Variants in FGF12 observed in about 807,000 individuals in gnomAD.
FGF12 encodes fibroblast growth factor 12B.
Under a neutral mutation model 23.6 loss-of-function variants are expected in FGF12, and 14 were observed. That is an observed-to-expected ratio of 0.59 (90% CI 0.39 to 0.93). The LOEUF is 0.93. FGF12 is among the 40% of genes least tolerant of loss of function. FGF12 has a pLI of 0.00. For synonymous variants in FGF12, 62 were observed against 77.3 expected (o/e 0.80, Z 1.04); for missense variants, 175 against 217.8 (o/e 0.80, Z 1.24).
rs1713383970 is a variant in FGF12 at position 192,141,538 on chromosome 3, C to T, written c.*2471G>A. 1 of 151,864 alleles carries T rather than the reference C, an allele frequency of 6.6e-6. No homozygotes were observed. The highest frequency in any genetic ancestry group is 1.5e-5 in the Non-Finnish European group (1 of 67,836). The allele number at this position is 151,864 out of a possible 1,614,324, so 9.4% of individuals were successfully genotyped here. A position where few individuals can be genotyped will look rare whatever the true frequency, so the allele number is the denominator to read the frequency against. On this transcript the variant is annotated 3_prime_UTR_variant, in exon 6 of 6. Coordinates refer to ENST00000445105, the MANE Select transcript of FGF12 (RefSeq NM_004113.6). The stretch of plus-strand genomic sequence containing the variant: ...AACATTTTACTGCAGTGAACATTTG[C>T]TTAACATAATACGGAGAAAAACAAT...
chr3:192,726,920 C>T (rs938290262), intron 2 of FGF12: 2 of 526,132 alleles, frequency 3.8e-6, no homozygotes, highest in African/African-American at 3.8e-5. Context: ...TTTGGGGGGA[C>T]TCTCCCCACC....
At chr3:192,158,318 TTCTTTCTTTCTTTC>T (rs1404578985) in intron 5 of FGF12, among the ~76,000 whole-genome samples, 2 of 99,070 alleles carry the variant, frequency 2.0e-5, no homozygotes, top group Non-Finnish European at 4.4e-5. Flanking sequence ...CCTTTTCTCT[TTCTTTCTTTCTTTC>T]TCTTTCTTTC....
At chr3:192,395,341 C>T (rs1394223719) in intron 2 of FGF12, among the ~76,000 whole-genome samples, 1 of 152,158 alleles carries the variant, frequency 6.6e-6, no homozygotes, top group Non-Finnish European at 1.5e-5. Flanking sequence ...TAAGTAAAGA[C>T]ATGAAGTTCT....
At chr3:192,286,271 C>G (rs759465630) in intron 4 of FGF12, among the ~76,000 whole-genome samples, 6 of 151,958 alleles carry the variant, frequency 3.9e-5, no homozygotes, top group Non-Finnish European at 8.8e-5. Context: ...TCTGATGGAG[C>G]TATGAAGCCT....
chr3:192,206,949 A>G (rs1289304149), intron 4 of FGF12, among the ~76,000 whole-genome samples: 2 of 152,204 alleles, frequency 1.3e-5, no homozygotes, highest in Non-Finnish European at 2.9e-5. Context: ...TGTAAACTTT[A>G]GAGTTAGGCA....
rs546876077 is a variant in FGF12 at position 192,334,700 on chromosome 3, T to C, written c.228+661A>G. Among the ~76,000 whole-genome samples, 4 of 152,258 alleles carry C rather than the reference T, an allele frequency of 2.6e-5. No individual in the cohort carries two copies. In the East Asian group the frequency reaches 7.7e-4, roughly 29 times the overall value. On this transcript the variant is annotated intron_variant, in intron 4 of 5. Transcript: ENST00000445105. Reference sequence around the variant, plus strand: ...CCAGTTTGGGATTTGAAAGACATGATACAACATTGTGTCCAACATGCTCAT... The same window carrying C: ...CCAGTTTGGGATTTGAAAGACATGACACAACATTGTGTCCAACATGCTCAT...
At chr3:192,393,797 A>C (rs1720405487) in intron 2 of FGF12, among the ~76,000 whole-genome samples, 1 of 152,194 alleles carries the variant, frequency 6.6e-6, no homozygotes, top group South Asian at 2.1e-4. Context: ...TTAATTTCAC[A>C]AACTGTCCAT....
At chr3:192,424,457 G>C (rs375288693) in intron 2 of FGF12, among the ~76,000 whole-genome samples, 61 of 152,212 alleles carry the variant, frequency 4.0e-4, no homozygotes, top group Middle Eastern at 3.4e-3. Context: ...TTCAAGACAG[G>C]CATTGCCTTT....
At chr3:192,261,643 AAGG>A (rs1452769757) in intron 4 of FGF12, among the ~76,000 whole-genome samples, 1 of 152,214 alleles carries the variant, frequency 6.6e-6, no homozygotes, top group Non-Finnish European at 1.5e-5. Flanking sequence ...AACAAAGTGT[AAGG>A]AGGACAGAGA....
chr3:192,230,331 A>G (rs766296648), intron 4 of FGF12, among the ~76,000 whole-genome samples: 18 of 152,186 alleles, frequency 1.2e-4, no homozygotes, highest in South Asian at 8.3e-4. Flanking sequence ...ATTCTAATTA[A>G]GCATTCCTCT....
chr3:192,451,687 G>T (rs1722525430), intron 2 of FGF12, among the ~76,000 whole-genome samples: 1 of 152,120 alleles, frequency 6.6e-6, no homozygotes, highest in African/African-American at 2.4e-5. Flanking sequence ...TTAGGATTTT[G>T]CACTTAACAG....
intron 2 of FGF12, among the ~76,000 whole-genome samples, chr3:192,462,682 G>T (rs991804193): frequency 1.6e-4 from 25 of 152,068 alleles, no homozygotes; most frequent in Non-Finnish European, 1.5e-5. Context: ...GCATTACCAA[G>T]GTTCTTTAAT....
chr3:192,285,674 C>T (rs575400236), intron 4 of FGF12, among the ~76,000 whole-genome samples: 1 of 152,102 alleles, frequency 6.6e-6, no homozygotes, highest in African/African-American at 2.4e-5. Flanking sequence ...ATTATACTTT[C>T]ATTTTTGGTG....
At chr3:192,158,335 T>TTTC in intron 5 of FGF12, among the ~76,000 whole-genome samples, 2 of 52,432 alleles carry the variant, frequency 3.8e-5, no homozygotes, top group Non-Finnish European at 9.8e-5. Context: ...TTTCTTTCTC[T>TTTC]TTCTTTCTTT....
intron 4 of FGF12, among the ~76,000 whole-genome samples, chr3:192,215,112 G>T (rs1718125902): frequency 6.6e-6 from 1 of 152,186 alleles, no homozygotes; most frequent in Admixed American, 6.5e-5. Context: ...CTCTCTACAG[G>T]AGTGAATGGC....
chr3:192,700,826 G>C (rs549585910), intron 2 of FGF12, among the ~76,000 whole-genome samples: 4 of 152,278 alleles, frequency 2.6e-5, no homozygotes, highest in African/African-American at 9.6e-5. Flanking sequence ...GAGATCTTAA[G>C]ATTGACAAAA....
chr3:192,162,673 A>G (rs1333393990), intron 5 of FGF12, among the ~76,000 whole-genome samples: 1 of 152,078 alleles, frequency 6.6e-6, no homozygotes. Context: ...GTCTTTCAGT[A>G]TGGTTGGGTC....
At chr3:192,205,725 A>G (rs1240585621) in intron 4 of FGF12, among the ~76,000 whole-genome samples, 1 of 152,200 alleles carries the variant, frequency 6.6e-6, no homozygotes, top group African/African-American at 2.4e-5. Flanking sequence ...TCTGATGAAG[A>G]GATTTGGAAA....
At chr3:192,601,690 C>T (rs1212228272) in intron 2 of FGF12, among the ~76,000 whole-genome samples, 3 of 152,070 alleles carry the variant, frequency 2.0e-5, no homozygotes, top group African/African-American at 7.2e-5. Flanking sequence ...AGCAGTATTC[C>T]TGGGGGACTG....
Sources: allele counts gnomAD v4.1 joint callset (sites outside exome capture counted in the v4.1 genomes callset), GRCh38; gene constraint gnomAD v4.1.1; transcripts MANE v1.5; gene names NCBI Gene and HGNC (gene_info 2026-07-23, HGNC 2026-07-21).